Variants in HECW2 observed in about 807,000 individuals in gnomAD.
The protein encoded by HECW2 is HECT, C2 and WW domain containing E3 ubiquitin protein ligase 2.
Under a neutral mutation model 175.2 loss-of-function variants are expected in HECW2, and 61 were observed. That is an observed-to-expected ratio of 0.35 (90% CI 0.28 to 0.43). The LOEUF (loss-of-function observed/expected upper bound fraction) is 0.43, where lower values mean the gene tolerates loss of function less well. HECW2 is among the 20% of genes least tolerant of loss of function. The probability of loss-of-function intolerance (pLI) is 1.00; values close to 1 mark genes in which losing one functional copy is unlikely to be tolerated. For synonymous variants in HECW2, 671 were observed against 731.0 expected, an observed-to-expected ratio of 0.92 and a Z score of 1.32; for missense variants, 1,524 against 2,000.5, an observed-to-expected ratio of 0.76 and a Z score of 4.54.
At chr2:196,312,079 G>A (rs528917434) in intron 10 of HECW2, among the ~76,000 whole-genome samples, 2 of 152,242 alleles carry the variant, frequency 1.3e-5, no homozygotes, top group African/African-American at 2.4e-5. Flanking sequence ...TTGTTTCTGT[G>A]ATCCCTCTGC....
At chr2:196,459,349 T>G (rs1696644673) in intron 1 of HECW2, among the ~76,000 whole-genome samples, 1 of 152,072 alleles carries the variant, frequency 6.6e-6, no homozygotes, top group Non-Finnish European at 1.5e-5. Flanking sequence ...AGAAAACAGT[T>G]AAAGGGGGGA....
chr2:196,210,722 T>G (rs1687252217), intron 28 of HECW2, among the ~76,000 whole-genome samples: 1 of 151,934 alleles, frequency 6.6e-6, no homozygotes, highest in African/African-American at 2.4e-5. Context: ...CAAGTGATTC[T>G]TCTGCCTCAG....
intron 10 of HECW2, 110 bp downstream of exon 10, chr2:196,317,164 C>A: frequency 1.2e-6 from 1 of 827,212 alleles, no homozygotes; most frequent in Non-Finnish European, 2.0e-6. Flanking sequence ...CCCCCAGATT[C>A]CTTCCGCTTG....
At chr2:196,459,977 T>A (rs1696675142) in intron 1 of HECW2, among the ~76,000 whole-genome samples, 1 of 152,166 alleles carries the variant, frequency 6.6e-6, no homozygotes, top group South Asian at 2.1e-4. Context: ...AACACGAATA[T>A]TCCTCCACCT....
At chr2:196,573,782 C>T (rs1690465900) in intron 1 of HECW2, among the ~76,000 whole-genome samples, 1 of 151,894 alleles carries the variant, frequency 6.6e-6, no homozygotes, top group Non-Finnish European at 1.5e-5. Context: ...AAAAGGCATC[C>T]AACTCATAAA....
intron 1 of HECW2, among the ~76,000 whole-genome samples, chr2:196,510,708 G>A (rs1687918965): frequency 6.6e-6 from 1 of 151,096 alleles, no homozygotes; most frequent in Non-Finnish European, 1.5e-5. Context: ...TTTTTACTTA[G>A]CTATCTTTTT....
At chr2:196,446,286 C>A (rs529208121) in intron 1 of HECW2, among the ~76,000 whole-genome samples, 30 of 152,324 alleles carry the variant, frequency 2.0e-4, no homozygotes, top group Non-Finnish European at 3.4e-4. Context: ...TACCAAATGG[C>A]AGCCTCTCAG....
chr2:196,276,214 T>C (rs1427765119), intron 15 of HECW2, among the ~76,000 whole-genome samples: 1 of 152,190 alleles, frequency 6.6e-6, no homozygotes, highest in Non-Finnish European at 1.5e-5. Flanking sequence ...AGGATGTGCA[T>C]GCTTCCAACA....
intron 4 of HECW2, among the ~76,000 whole-genome samples, chr2:196,332,004 G>A (rs1441502295): frequency 6.6e-6 from 1 of 152,184 alleles, no homozygotes; most frequent in Non-Finnish European, 1.5e-5. Context: ...CCCTGAAGCC[G>A]AAAGATTTCC....
At chr2:196,344,529 T>C (rs1354776076) in intron 2 of HECW2, among the ~76,000 whole-genome samples, 2 of 152,064 alleles carry the variant, frequency 1.3e-5, no homozygotes, top group African/African-American at 4.8e-5. Context: ...AGGGATGCTC[T>C]GGCTTCCTCA....
At chr2:196,552,217 T>G (rs769789884) in intron 1 of HECW2, among the ~76,000 whole-genome samples, 2 of 152,210 alleles carry the variant, frequency 1.3e-5, no homozygotes, top group African/African-American at 4.8e-5. Context: ...ATTTAAGTTG[T>G]AAATCAAACT....
chr2:196,356,843 G>C (rs1036873607), intron 2 of HECW2, among the ~76,000 whole-genome samples: 1 of 152,154 alleles, frequency 6.6e-6, no homozygotes, highest in African/African-American at 2.4e-5. Context: ...TATATGTATA[G>C]GGAATAACAG....
chr2:196,380,946 T>C (rs1381076928), intron 2 of HECW2, among the ~76,000 whole-genome samples: 4 of 152,182 alleles, frequency 2.6e-5, no homozygotes, highest in Non-Finnish European at 5.9e-5. Flanking sequence ...AAGTTGACTT[T>C]TGCAATTTTC....
chr2:196,372,233 A>C (rs1693927454), intron 2 of HECW2, among the ~76,000 whole-genome samples: 1 of 152,222 alleles, frequency 6.6e-6, no homozygotes, highest in African/African-American at 2.4e-5. Flanking sequence ...CAGTAATAAG[A>C]AGCACAAAGT....
At chr2:196,453,311 A>C (rs1696402854) in intron 1 of HECW2, among the ~76,000 whole-genome samples, 1 of 152,212 alleles carries the variant, frequency 6.6e-6, no homozygotes. Context: ...TTACTTCTAA[A>C]GAAGACTTTG....
At chr2:196,380,775 G>A (rs1048748816) in intron 2 of HECW2, among the ~76,000 whole-genome samples, 1 of 152,124 alleles carries the variant, frequency 6.6e-6, no homozygotes, top group Non-Finnish European at 1.5e-5. Flanking sequence ...CAGAGCTTCT[G>A]GTTTTCAGTT....
At chr2:196,219,378 T>C (rs187427900) in intron 26 of HECW2, among the ~76,000 whole-genome samples, 136 of 152,336 alleles carry the variant, frequency 8.9e-4, no homozygotes, top group African/African-American at 3.3e-3. Context: ...GGTTTAACAC[T>C]CAAATTTCAA....
intron 2 of HECW2, among the ~76,000 whole-genome samples, chr2:196,347,154 G>C (rs905762848): frequency 1.3e-5 from 2 of 150,564 alleles, no homozygotes; most frequent in Admixed American, 6.6e-5. Flanking sequence ...CTGGGTTCAA[G>C]TGATTCTCCT....
chr2:196,453,952 C>G (rs1487232369), intron 1 of HECW2, among the ~76,000 whole-genome samples: 1 of 152,110 alleles, frequency 6.6e-6, no homozygotes, highest in Non-Finnish European at 1.5e-5. Flanking sequence ...CCTAATTTTA[C>G]CACAAAATAA....
Sources: allele counts gnomAD v4.1 joint callset (sites outside exome capture counted in the v4.1 genomes callset), GRCh38; gene constraint gnomAD v4.1.1; transcripts MANE v1.5; gene names NCBI Gene and HGNC (gene_info 2026-07-23, HGNC 2026-07-21).